The following MARCHF11 variants were observed in gnomAD, a reference collection of about 807,000 sequenced individuals.
MARCHF11 encodes E3 ubiquitin-protein ligase MARCHF11.
Under a neutral mutation model 37.3 loss-of-function variants are expected in MARCHF11, and 29 were observed. The ratio of observed to expected loss-of-function variants is 0.78; its 90% CI spans 0.58 to 1.06. MARCHF11 has a LOEUF of 1.06. MARCHF11 is among the 50% of genes least tolerant of loss of function. MARCHF11 has a pLI of 0.00. For synonymous variants in MARCHF11, 233 were observed against 228.0 expected, an observed-to-expected ratio of 1.02 and a Z score of -0.20; for missense variants, 482 against 533.4, an observed-to-expected ratio of 0.90 and a Z score of 0.95.
intron 2 of MARCHF11, among the ~76,000 whole-genome samples, chr5:16,106,649 C>A (rs1488683249): frequency 6.6e-6 from 1 of 152,312 alleles, no homozygotes; most frequent in East Asian, 1.9e-4. Context: ...CCCTACCCTA[C>A]CCTACCCTAT....
chr5:16,103,567 A>C (rs1288451005), intron 2 of MARCHF11, among the ~76,000 whole-genome samples: 1 of 152,204 alleles, frequency 6.6e-6, no homozygotes, highest in African/African-American at 2.4e-5. Flanking sequence ...TGTATTTTCC[A>C]AAGATGGTTA....
At chr5:16,164,011 G>A (rs1738129075) in intron 2 of MARCHF11, among the ~76,000 whole-genome samples, 1 of 152,072 alleles carries the variant, frequency 6.6e-6, no homozygotes, top group South Asian at 2.1e-4. Context: ...ACTTGGAAGT[G>A]AAGGCTGGGC....
chr5:16,104,647 C>A (rs1233161843), intron 2 of MARCHF11, among the ~76,000 whole-genome samples: 1 of 150,586 alleles, frequency 6.6e-6, no homozygotes, highest in African/African-American at 2.4e-5. Flanking sequence ...CATAACCCAA[C>A]AGAGAGGGAA....
chr5:16,078,810 C>A (rs1392199210), intron 3 of MARCHF11, among the ~76,000 whole-genome samples: 2 of 152,156 alleles, frequency 1.3e-5, no homozygotes, highest in Non-Finnish European at 2.9e-5. Flanking sequence ...GAAAGCCTCC[C>A]ATTCCCATGT....
intron 2 of MARCHF11, among the ~76,000 whole-genome samples, chr5:16,099,913 C>T (rs1326109992): frequency 6.6e-6 from 1 of 152,108 alleles, no homozygotes; most frequent in Non-Finnish European, 1.5e-5. Flanking sequence ...CCGATGTGTA[C>T]TCGGGAATGC....
chr5:16,099,938 G>A (rs1023924548), intron 2 of MARCHF11, among the ~76,000 whole-genome samples: 4 of 152,168 alleles, frequency 2.6e-5, no homozygotes, highest in African/African-American at 9.7e-5. Context: ...AGGATTTCAT[G>A]TTATTGTATG....
intron 2 of MARCHF11, among the ~76,000 whole-genome samples, chr5:16,167,888 G>A (rs1034433633): frequency 6.6e-6 from 1 of 152,034 alleles, no homozygotes; most frequent in Non-Finnish European, 1.5e-5. Flanking sequence ...AAAAGAATGA[G>A]AAAGTACCAA....
intron 2 of MARCHF11, among the ~76,000 whole-genome samples, chr5:16,142,592 G>A (rs1737727657): frequency 6.6e-6 from 1 of 152,008 alleles, no homozygotes; most frequent in South Asian, 2.1e-4. Flanking sequence ...TGTGAACTAG[G>A]GGACTCGCAC....
chr5:16,146,733 T>C (rs1737802424), intron 2 of MARCHF11, among the ~76,000 whole-genome samples: 1 of 152,184 alleles, frequency 6.6e-6, no homozygotes, highest in South Asian at 2.1e-4. Context: ...GTAGTTAAAC[T>C]GGGAGGACAA....
rs561436603 is a variant in MARCHF11, at chr5:16,072,836, C to T, written c.887-5043G>A. On this transcript the variant is annotated intron_variant, in intron 3 of 3. Transcript: ENST00000332432. ...CAGTGTTGCTTTCAAATAAGCCTTG[C>T]CAACCCTTTTCTCCTTGTGGGTGGG... Among the ~76,000 whole-genome samples the T allele has an allele frequency of 5.3e-5, 8 of 152,162 alleles. No homozygotes were observed. The South Asian group carries it at 8.3e-4, about 16-fold the overall frequency.
chr5:16,135,446 A>T (rs1737592076), intron 2 of MARCHF11, among the ~76,000 whole-genome samples: 1 of 152,224 alleles, frequency 6.6e-6, no homozygotes, highest in South Asian at 2.1e-4. Flanking sequence ...AAATTGAATA[A>T]TTAAACATGA....
chr5:16,091,562 A>G (rs1736791520), intron 2 of MARCHF11, among the ~76,000 whole-genome samples: 1 of 152,208 alleles, frequency 6.6e-6, no homozygotes, highest in African/African-American at 2.4e-5. Flanking sequence ...ACATCACTGA[A>G]AAAGTCATTT....
chr5:16,108,262 A>G (rs1193926618), intron 2 of MARCHF11, among the ~76,000 whole-genome samples: 1 of 152,026 alleles, frequency 6.6e-6, no homozygotes, highest in African/African-American at 2.4e-5. Flanking sequence ...CTGGAGCCCA[A>G]AGCACTCACC....
chr5:16,178,992 C>A (rs1470249480), intron 1 of MARCHF11, 47 bp downstream of exon 1: 1 of 1,369,536 alleles, frequency 7.3e-7, no homozygotes, highest in Non-Finnish European at 9.4e-7. Flanking sequence ...TTGACCGGCG[C>A]GAGCTGGAGC....
In MARCHF11 at chr5:16,179,034, CT is replaced by C; in HGVS notation, c.537+4del. 1 of 1,467,664 alleles carries C rather than the reference CT, an allele frequency of 6.8e-7. No homozygotes were observed. Among genetic ancestry groups the C allele is most frequent in the Non-Finnish European group, 9.0e-7 (1 of 1,115,272 alleles). 90.9% of individuals were successfully genotyped at this position (1,467,664 alleles called of 1,614,324 possible). A position where few individuals can be genotyped will look rare whatever the true frequency, so the allele number is the denominator to read the frequency against. ...CGGCTGCCTCGGGGTCTCGCCGGGC[CT>C]TACCTGCTCCGCGCCCTGGAAGCAG... is the stretch of plus-strand genomic sequence containing the variant. On this transcript the variant is annotated splice_donor_region_variant and intron_variant, in intron 1 of 3. Transcript: ENST00000332432.
At position 16,121,695 on chromosome 5, in the gene MARCHF11, C is replaced by T. The variant is rs370891396; in HGVS notation, c.694-30614G>A. ...ACACTAGCAGTGTTGCTGTTCTCAACGGCAGCTAACTGTGCTGCAATGGCC... is the reference window on the plus strand; with the variant it reads ...ACACTAGCAGTGTTGCTGTTCTCAATGGCAGCTAACTGTGCTGCAATGGCC... On this transcript the variant is annotated intron_variant, in intron 2 of 3. Transcript: ENST00000332432. 1.1e-4 allele frequency among the ~76,000 whole-genome samples: 16 copies of T among 152,258 alleles called. 1 individual carries two copies. Among genetic ancestry groups the T allele is most frequent in the Middle Eastern group, 3.4e-3 (1 of 294 alleles).
intron 2 of MARCHF11, 58 bp from the exon 3 acceptor site, chr5:16,091,139 A>AG: frequency 7.4e-7 from 1 of 1,358,744 alleles, no homozygotes; most frequent in Non-Finnish European, 9.7e-7. Flanking sequence ...AAAAGAAAAA[A>AG]AAACATTTTC....
intron 2 of MARCHF11, chr5:16,141,752 CAA>C (rs1234650024): frequency 3.3e-5 from 5 of 152,172 alleles, no homozygotes; most frequent in African/African-American, 1.2e-4. Flanking sequence ...AATTGAAACT[CAA>C]GAGCCAAAAA....
chr5:16,085,748 C>T (rs574487040), intron 3 of MARCHF11, among the ~76,000 whole-genome samples: 9 of 151,840 alleles, frequency 5.9e-5, no homozygotes, highest in African/African-American at 1.7e-4. Flanking sequence ...GTCAGGAGAT[C>T]GAGATCATCC....
Sources: gnomAD v4.1 joint callset for allele counts (sites outside exome capture counted in the v4.1 genomes callset) on GRCh38, gnomAD v4.1.1 for gene constraint, MANE v1.5 for transcripts, NCBI Gene and HGNC (gene_info 2026-07-23, HGNC 2026-07-21) for gene names.